Variants in KARS1 observed in about 807,000 individuals in gnomAD.
KARS1 encodes the protein lysine--tRNA ligase.
KARS1 carries 50 observed loss-of-function variants against 63.9 expected under a neutral mutation model. The ratio of observed to expected loss-of-function variants is 0.78; its 90% CI spans 0.62 to 0.99. The LOEUF (loss-of-function observed/expected upper bound fraction) is 0.99. KARS1 is among the 50% of genes least tolerant of loss of function. The probability of loss-of-function intolerance (pLI) is 0.00; values close to 1 mark genes in which losing one functional copy is unlikely to be tolerated. For synonymous variants in KARS1, 320 were observed against 264.6 expected (o/e 1.21, Z -2.03); for missense variants, 816 against 754.5 (o/e 1.08, Z -0.95).
At chr16:75,629,820 G>A (rs959194428) in intron 11 of KARS1, among the ~76,000 whole-genome samples, 3 of 152,126 alleles carry the variant, frequency 2.0e-5, no homozygotes, top group South Asian at 4.1e-4. Flanking sequence ...TTGGTCTAAC[G>A]ATCAAACATC....
chr16:75,646,485 G>C (rs2082285067), intron 1 of KARS1, among the ~76,000 whole-genome samples: 1 of 151,448 alleles, frequency 6.6e-6, no homozygotes, highest in South Asian at 2.1e-4. Context: ...AGGTTGCAGT[G>C]AGCTGAGATC....
Position 75,640,173 on chromosome 16 carries a change from A to C in KARS1, c.388+11T>G. On this transcript the variant is annotated intron_variant, in intron 3 of 13. Transcript: ENST00000302445. ...GTGGGAGTTCAGTGATTTGCCAGGG[A>C]GAGTTCCTACCTGCCACCTTTAAGG... 3.7e-6 allele frequency: 6 copies of C among 1,613,132 alleles called. No individual in the cohort carries two copies. In the South Asian group the frequency reaches 6.6e-5, roughly 18 times the overall value.
rs57551067 is a variant in KARS1, at chr16:75,638,217, CTTT to C, written c.389-1673_389-1671del. On this transcript the variant is annotated intron_variant, in intron 3 of 13. Transcript: ENST00000302445. ...ACATGCTTAGAAAAACAAAAAGTTC[CTTT>C]TTTTTTTTTTATTTTACTTTAAGTT... Among the ~76,000 whole-genome samples the C allele has an allele frequency of 2.0e-5, 3 of 146,958 alleles. 1 individual carries two copies. Among genetic ancestry groups the C allele is most frequent in the African/African-American group, 7.5e-5 (3 of 40,016 alleles).
At chr16:75,636,405 T>A in intron 4 of KARS1, 49 bp downstream of exon 4, 1 of 1,159,570 alleles carries the variant, frequency 8.6e-7, no homozygotes, top group Non-Finnish European at 1.3e-6. Flanking sequence ...TATTGCTGTG[T>A]TGCTCTAGGC....
chr16:75,638,499 TCTAA>T (rs1567502660), intron 3 of KARS1, among the ~76,000 whole-genome samples: 1 of 152,012 alleles, frequency 6.6e-6, no homozygotes, highest in Non-Finnish European at 1.5e-5. Context: ...AGCAAAAAAT[TCTAA>T]CTTACTATTC....
rs2082210273 is a variant in KARS1 at position 75,640,353 on chromosome 16, T to C, written c.223-4A>G. Reference sequence around the variant, plus strand: ...GACTGCGGATTTTGTAGTATTGCTGTTAAAAAAAAAAAAAAAAAAGCCCTT... The same window carrying C: ...GACTGCGGATTTTGTAGTATTGCTGCTAAAAAAAAAAAAAAAAAAGCCCTT... On this transcript the variant is annotated splice_polypyrimidine_tract_variant and splice_region_variant and intron_variant, in intron 2 of 13. Coordinates refer to ENST00000302445, the MANE Select transcript of KARS1 (RefSeq NM_005548.3). 1 of 1,575,398 alleles carries C rather than the reference T, an allele frequency of 6.3e-7. No individual in the cohort carries two copies. The highest frequency in any genetic ancestry group is 8.5e-7 in the Non-Finnish European group (1 of 1,171,872).
chr16:75,630,782 C>T (rs1200383628), intron 10 of KARS1, among the ~76,000 whole-genome samples: 3 of 151,734 alleles, frequency 2.0e-5, no homozygotes, highest in Non-Finnish European at 2.9e-5. Context: ...TTACAGGTGC[C>T]CGCCACCATA....
At chr16:75,636,397 T>C (rs1597169834) in intron 4 of KARS1, 57 bp downstream of exon 4, 7 of 1,051,474 alleles carry the variant, frequency 6.7e-6, no homozygotes, top group Non-Finnish European at 1.1e-5. Context: ...CATCAGCCTA[T>C]TGCTGTGTTG....
rs2082085515 is a variant in KARS1, at chr16:75,629,421, C to T, written c.1545G>A (p.Gln515=). The T allele has an allele frequency of 6.2e-7, 1 of 1,613,868 alleles. No homozygotes were observed. Among genetic ancestry groups the T allele is most frequent in the Admixed American group, 1.7e-5 (1 of 59,992 alleles). ...PMRQRQLFEE[Q]AKAKAAGDDE... is the part of the protein sequence containing the mutation. ...TCACAGTCCCCTTTCTCACCTTGGC[C>T]TGTTCTTCAAAAAGCTGCCGCTGCC... The change falls in exon 12 of 14, where the codon CAG becomes CAA. Residue 515 remains glutamine (Q), a synonymous_variant. Transcript: ENST00000302445.
At chr16:75,639,402 T>C (rs534445222) in intron 3 of KARS1, among the ~76,000 whole-genome samples, 21 of 151,484 alleles carry the variant, frequency 1.4e-4, no homozygotes, top group African/African-American at 5.1e-4. Flanking sequence ...CGAAGCCCCA[T>C]CTCTACTAAA....
At chr16:75,644,391 G>A in intron 1 of KARS1, 5 of 1,612,572 alleles carry the variant, frequency 3.1e-6, no homozygotes, top group East Asian at 2.2e-5. Context: ...TTTGCGCAGG[G>A]ACCCCCTAAC....
chr16:75,637,944 G>A (rs999008675), intron 3 of KARS1, among the ~76,000 whole-genome samples: 5 of 142,184 alleles, frequency 3.5e-5, no homozygotes, highest in Non-Finnish European at 7.7e-5. Context: ...TGAGGAAGAA[G>A]AAGAGAACCA....
At chr16:75,628,922 A>G (rs992869100) in intron 12 of KARS1, 2 of 611,206 alleles carry the variant, frequency 3.3e-6, no homozygotes, top group African/African-American at 1.9e-5. Context: ...AATCGACCTC[A>G]GAACACATAC....
chr16:75,639,972 C>G (rs2082205101), intron 3 of KARS1: 4 of 585,006 alleles, frequency 6.8e-6, no homozygotes, highest in South Asian at 4.0e-5. Context: ...GAAAGCCCCT[C>G]TCTTTGTAGC....
intron 1 of KARS1, among the ~76,000 whole-genome samples, chr16:75,645,843 CAAAAAA>C (rs11363202): frequency 6.3e-4 from 52 of 82,048 alleles, no homozygotes; most frequent in African/African-American, 1.7e-3. Context: ...ACTCTGCCTC[CAAAAAA>C]AAAAAAAAAA....
At chr16:75,632,232 G>T (rs1344670516) in intron 7 of KARS1, among the ~76,000 whole-genome samples, 1 of 152,202 alleles carries the variant, frequency 6.6e-6, no homozygotes, top group Admixed American at 6.5e-5. Flanking sequence ...GGAAGTTTCA[G>T]TCTCCAAAAG....
rs200858860 is a variant in KARS1, at chr16:75,647,574, T to C, written c.62+4A>G. ...AGGCTTTAAAGACTCGCAGCGACAC[T>C]CACTTCTTGCTCAGTTTCGGCTCGC... is the stretch of plus-strand genomic sequence containing the variant. On this transcript the variant is annotated splice_donor_region_variant and intron_variant, in intron 1 of 13. Transcript: ENST00000302445. The C allele has an allele frequency of 1.2e-6, 2 of 1,613,076 alleles. No individual in the cohort carries two copies. Among genetic ancestry groups the C allele is most frequent in the Admixed American group, 1.7e-5 (1 of 59,946 alleles).
In KARS1 at chr16:75,641,592, CCCACACCATTATCAGTGGTGTGGT is replaced by C. The variant is rs779956797; in HGVS notation, c.170_193del (p.Asn57_Gly65delinsSer). On this transcript the variant is annotated inframe_deletion, in exon 2 of 14. Transcript: ENST00000302445. Reference sequence around the variant, plus strand: ...TGGGTCCACGCTCTCTTCCTCAGGACCCACACCATTATCAGTGGTGTGGTTGGTGGCAGCAGCAGTGGCTTGGCT... The same window carrying C: ...TGGGTCCACGCTCTCTTCCTCAGGACTGGTGGCAGCAGCAGTGGCTTGGCT... The C allele has an allele frequency of 6.2e-7, 1 of 1,613,916 alleles. No homozygotes were observed.
rs1389145126 is a variant in KARS1 at position 75,628,600 on chromosome 16, G to A, written c.1664C>T (p.Ala555Val). 8 of 1,613,948 alleles carry A rather than the reference G, an allele frequency of 5.0e-6. No homozygotes were observed. Among genetic ancestry groups the A allele is most frequent in the Non-Finnish European group, 6.8e-6 (8 of 1,180,032 alleles). The change falls in exon 13 of 14, where the codon GCC (alanine) becomes GTC (valine). Residue 555 changes from alanine to valine, a missense_variant. Physicochemically the swap from Ala to Val is moderately conservative, Grantham distance 64 (BLOSUM62 0). Transcript: ENST00000302445. ...GTTGTTGGAGTCCGTGAGAAACATG[G>A]CGACTCGATCAATGCCCATGCCCCA... ...AGWGMGIDRV[A>V]MFLTDSNNIK...
Sources: allele counts gnomAD v4.1 joint callset (sites outside exome capture counted in the v4.1 genomes callset), GRCh38; gene constraint gnomAD v4.1.1; transcripts MANE v1.5; gene names NCBI Gene and HGNC (gene_info 2026-07-23, HGNC 2026-07-21).